The following SLFN12L variants were observed in gnomAD, a reference collection of about 807,000 sequenced individuals.
SLFN12L encodes schlafen family member 12 like, also known as schlafen family member 12-like.
Under a neutral mutation model 34.8 loss-of-function variants are expected in SLFN12L, and 34 were observed. The observed-to-expected ratio is 0.98, with a 90% CI of 0.74 to 1.30. The LOEUF (loss-of-function observed/expected upper bound fraction) is 1.30, where lower values mean the gene tolerates loss of function less well. Ranked by LOEUF, SLFN12L falls within the 50% of genes most tolerant of loss-of-function variation. SLFN12L has a pLI of 0.00. For missense variants in SLFN12L, 703 were observed against 696.2 expected (o/e 1.01, Z -0.11); for synonymous variants, 259 against 247.5 (o/e 1.05, Z -0.44).
chr17:35,532,695 C>A (rs1187066371), intron 1 of SLFN12L, among the ~76,000 whole-genome samples: 1 of 151,988 alleles, frequency 6.6e-6, no homozygotes, highest in African/African-American at 2.4e-5. Flanking sequence ...AGTTCAAGAC[C>A]AGCCTGGCTA....
chr17:35,487,713 A>C, intron 2 of SLFN12L: 1 of 1,446,288 alleles, frequency 6.9e-7, no homozygotes, highest in African/African-American at 2.7e-5. Flanking sequence ...ATTTAAAGAA[A>C]AAGAGAACGA....
intron 3 of SLFN12L, 113 bp from the exon 4 acceptor site, chr17:35,478,298 C>T: frequency 4.7e-6 from 3 of 641,590 alleles, no homozygotes; most frequent in South Asian, 3.7e-5. Context: ...TCCTGCATTC[C>T]CAATACAGAA....
At chr17:35,508,220 T>C (rs1272922575) in intron 2 of SLFN12L, among the ~76,000 whole-genome samples, 2 of 152,226 alleles carry the variant, frequency 1.3e-5, no homozygotes, top group Non-Finnish European at 2.9e-5. Flanking sequence ...CCCTTAGAGC[T>C]GTAAGCCCTT....
intron 2 of SLFN12L, among the ~76,000 whole-genome samples, chr17:35,515,938 C>T (rs371429737): frequency 5.3e-5 from 8 of 151,930 alleles, no homozygotes; most frequent in South Asian, 4.2e-4. Flanking sequence ...CACCGCACCC[C>T]GCCAGTGTTT....
chr17:35,494,706 A>G (rs1025253634), intron 2 of SLFN12L, among the ~76,000 whole-genome samples: 42 of 152,148 alleles, frequency 2.8e-4, no homozygotes, highest in Non-Finnish European at 4.4e-4. Flanking sequence ...AGAATGCAGG[A>G]AGGGAGCAAG....
At chr17:35,490,170 T>C in intron 2 of SLFN12L, 2 of 1,606,922 alleles carry the variant, frequency 1.2e-6, no homozygotes, top group Admixed American at 3.3e-5. Context: ...AGAGCCGGGC[T>C]GCTGCAGCCA....
intron 2 of SLFN12L, among the ~76,000 whole-genome samples, chr17:35,505,891 C>T (rs1054918577): frequency 6.6e-6 from 1 of 152,176 alleles, no homozygotes; most frequent in African/African-American, 2.4e-5. Flanking sequence ...TTCAACTGAC[C>T]TTCCTCAGAC....
chr17:35,508,202 T>C (rs144354879), intron 2 of SLFN12L, among the ~76,000 whole-genome samples: 30 of 152,336 alleles, frequency 2.0e-4, no homozygotes, highest in Non-Finnish European at 3.7e-4. Flanking sequence ...GACCCTTTCA[T>C]GTGGACCCCC....
intron 2 of SLFN12L, chr17:35,498,071 C>T (rs1135177): frequency 0.45 from 238,891 of 525,116 alleles, 58,685 homozygotes; most frequent in Non-Finnish European, 0.52. Context: ...CCCAGAGCGG[C>T]GGCGAGGGCG....
In SLFN12L at chr17:35,474,920, G is replaced by T; in HGVS notation, c.*3C>A. 1 of 1,538,890 alleles carries T rather than the reference G, an allele frequency of 6.5e-7. No homozygotes were observed. The highest frequency in any genetic ancestry group is 1.2e-5 in the South Asian group (1 of 81,484). ...CACTCCAGTCTGGGTGACAGAGTGA[G>T]ACTCATCTCAAGAAAAAACAAACAA... On this transcript the variant is annotated 3_prime_UTR_variant, in exon 5 of 5. Coordinates refer to ENST00000628453, the MANE Select transcript of SLFN12L (RefSeq NM_001363830.2).
intron 2 of SLFN12L, among the ~76,000 whole-genome samples, chr17:35,519,689 TCA>T (rs1323284424): frequency 6.6e-6 from 1 of 152,172 alleles, no homozygotes; most frequent in Non-Finnish European, 1.5e-5. Flanking sequence ...ACTTTCTGAC[TCA>T]TACAGTCAAG....
intron 2 of SLFN12L, among the ~76,000 whole-genome samples, chr17:35,496,071 C>T (rs541115403): frequency 1.3e-5 from 2 of 152,016 alleles, no homozygotes; most frequent in African/African-American, 4.8e-5. Context: ...TCGTCCCCAC[C>T]CCCGGAACGG....
rs548151040 is a variant in SLFN12L at position 35,537,282 on chromosome 17, C to G, written c.-606+291G>C. Among the ~76,000 whole-genome samples, 400 of 152,312 alleles carry G rather than the reference C, an allele frequency of 2.6e-3. 4 individuals carry two copies. The highest frequency in any genetic ancestry group is 3.7e-3 in the South Asian group (18 of 4,826). On this transcript the variant is annotated intron_variant, in intron 1 of 4. Transcript: ENST00000628453. ...AGAACTATGAGAACCCTCTACATCT[C>G]TTTCTCTCAGCCCAGCCAGGTTCCT...
chr17:35,515,473 CTTGT>C (rs1915787691), intron 2 of SLFN12L, among the ~76,000 whole-genome samples: 1 of 151,722 alleles, frequency 6.6e-6, no homozygotes, highest in East Asian at 1.9e-4. Context: ...TGATTTTTTG[CTTGT>C]TTGTTTTTGA....
chr17:35,498,169 C>A (rs1050180244), intron 2 of SLFN12L: 4 of 346,024 alleles, frequency 1.2e-5, no homozygotes, highest in African/African-American at 7.8e-5. Flanking sequence ...CATCTCGATC[C>A]GGGAGGCGGC....
intron 2 of SLFN12L, among the ~76,000 whole-genome samples, chr17:35,517,213 TG>T (rs1461601883): frequency 6.6e-6 from 1 of 152,080 alleles, no homozygotes; most frequent in Admixed American, 6.5e-5. Context: ...ATTTTAGGGC[TG>T]GGGCAGAGAA....
At chr17:35,480,931 GATATGATTAT>G (rs1261954329) in intron 2 of SLFN12L, among the ~76,000 whole-genome samples, 2 of 151,946 alleles carry the variant, frequency 1.3e-5, no homozygotes, top group African/African-American at 4.8e-5. Flanking sequence ...ATAGATTATA[GATATGATTAT>G]ATATGATTAT....
intron 1 of SLFN12L, 145 bp from the exon 2 acceptor site, chr17:35,523,114 A>G (rs1916046992): frequency 4.8e-6 from 1 of 206,874 alleles, no homozygotes; most frequent in African/African-American, 2.3e-5. Flanking sequence ...TTACAATTAT[A>G]AAGGAAAAGA....
chr17:35,491,774 G>A (rs963680152), intron 2 of SLFN12L, among the ~76,000 whole-genome samples: 2 of 152,216 alleles, frequency 1.3e-5, no homozygotes, highest in African/African-American at 4.8e-5. Flanking sequence ...CTCTTCTTAG[G>A]AATATTCAAA....
Sources: allele counts gnomAD v4.1 joint callset (sites outside exome capture counted in the v4.1 genomes callset), GRCh38; gene constraint gnomAD v4.1.1; transcripts MANE v1.5; gene names NCBI Gene and HGNC (gene_info 2026-07-23, HGNC 2026-07-21).